TMEM68: variants seen among roughly 807,000 people sequenced by gnomAD.
The protein encoded by TMEM68 is DGAT1/2-independent enzyme synthesizing storage lipids.
Under a neutral mutation model 36.9 loss-of-function variants are expected in TMEM68, and 25 were observed. The observed-to-expected ratio is 0.68, with a 90% CI of 0.49 to 0.95. TMEM68 has a LOEUF of 0.95. Ranked by LOEUF, TMEM68 falls within the 40% of genes least tolerant of loss-of-function variation. TMEM68 has a pLI of 0.00. For synonymous variants in TMEM68, 131 were observed against 124.4 expected (o/e 1.05, Z -0.35); for missense variants, 333 against 392.0 (o/e 0.85, Z 1.27).
intron 4 of TMEM68, among the ~76,000 whole-genome samples, chr8:55,752,706 T>C (rs1810456550): frequency 6.8e-6 from 1 of 147,634 alleles, no homozygotes. Context: ...CATAATAGGA[T>C]AAAATATAGG....
rs766866812 is a variant in TMEM68, at chr8:55,740,098, T to C, written c.*34A>G. On this transcript the variant is annotated 3_prime_UTR_variant, in exon 8 of 8. Coordinates refer to ENST00000434581, the MANE Select transcript of TMEM68 (RefSeq NM_001286657.2). ...CTTAGATACAAACATTTAATATAAA[T>C]GTACTAAATCATCTTCTAGTTGACC... is the stretch of plus-strand genomic sequence containing the variant. 3.3e-6 allele frequency: 5 copies of C among 1,536,382 alleles called. No homozygotes were observed. The highest frequency in any genetic ancestry group is 4.5e-6 in the Non-Finnish European group (5 of 1,115,548).
intron 7 of TMEM68, among the ~76,000 whole-genome samples, chr8:55,741,786 C>T (rs1033571315): frequency 6.6e-6 from 1 of 152,134 alleles, no homozygotes; most frequent in Non-Finnish European, 1.5e-5. Flanking sequence ...TATTCAAAAG[C>T]TGGGTAAGGT....
At chr8:55,747,962 T>C (rs974895209) in intron 5 of TMEM68, 3 of 152,182 alleles carry the variant, frequency 2.0e-5, no homozygotes, top group Non-Finnish European at 4.4e-5. Context: ...ATTTAAAGAC[T>C]TTCCTGTTGA....
intron 1 of TMEM68, among the ~76,000 whole-genome samples, chr8:55,767,047 TGTAAAATAAAAATA>T: frequency 1.4e-5 from 2 of 145,998 alleles, no homozygotes; most frequent in Non-Finnish European, 3.0e-5. Context: ...TTTCTTCATT[TGTAAAATAAAAATA>T]GCATCTACCT....
Position 55,745,042 on chromosome 8 carries a change from C to A in TMEM68, c.748+19G>T. 1 of 1,444,126 alleles carries A rather than the reference C, an allele frequency of 6.9e-7. No homozygotes were observed. Among genetic ancestry groups the A allele is most frequent in the Non-Finnish European group, 9.1e-7 (1 of 1,095,478 alleles). The allele number at this position is 1,444,126 out of a possible 1,614,324, so 89.5% of individuals were successfully genotyped here. A position where few individuals can be genotyped will look rare whatever the true frequency, so the allele number is the denominator to read the frequency against. ...TAAAAATTACATTGTAATTTAAAAC[C>A]ATACAAATCAGAACTTACTTGTTCC... On this transcript the variant is annotated intron_variant, in intron 6 of 7. Transcript: ENST00000434581.
intron 7 of TMEM68, among the ~76,000 whole-genome samples, 181 bp downstream of exon 7, chr8:55,743,300 C>T (rs1371578426): frequency 6.6e-6 from 1 of 152,158 alleles, no homozygotes; most frequent in Non-Finnish European, 1.5e-5. Context: ...CCAACTCCTG[C>T]CTGTAGTGAC....
chr8:55,751,948 C>T (rs897412080), intron 4 of TMEM68, among the ~76,000 whole-genome samples: 23 of 152,176 alleles, frequency 1.5e-4, no homozygotes, highest in Admixed American at 9.8e-4. Context: ...GTGGCTCACG[C>T]CTGTAATACC....
chr8:55,743,279 C>G (rs1169980811), intron 7 of TMEM68, among the ~76,000 whole-genome samples: 1 of 152,122 alleles, frequency 6.6e-6, no homozygotes, highest in African/African-American at 2.4e-5. Context: ...TGTAGCACTC[C>G]CCTCACGGCC....
At position 55,763,002 on chromosome 8, in the gene TMEM68, TG is replaced by T; in HGVS notation, c.-44del. On this transcript the variant is annotated 5_prime_UTR_variant, in exon 3 of 8. The change creates a premature stop within an existing upstream ORF in the 5' untranslated region. Coordinates refer to ENST00000434581, the MANE Select transcript of TMEM68 (RefSeq NM_001286657.2). Reference sequence around the variant, plus strand: ...TGACAAATTCAGTTTCTTTCTTCATTGCCATAGCAGGTCGCTAATTTTGACA... The same window carrying T: ...TGACAAATTCAGTTTCTTTCTTCATTCCATAGCAGGTCGCTAATTTTGACA... 6.5e-7 allele frequency: 1 copy of T among 1,538,720 alleles called. No individual in the cohort carries two copies. Among genetic ancestry groups the T allele is most frequent in the Non-Finnish European group, 8.7e-7 (1 of 1,147,126 alleles).
chr8:55,743,457 A>G, intron 7 of TMEM68, 24 bp downstream of exon 7: 1 of 1,512,128 alleles, frequency 6.6e-7, no homozygotes, highest in Non-Finnish European at 8.8e-7. Context: ...CTGTCCTAAA[A>G]CTAAAAAAGA....
At chr8:55,760,135 C>G (rs1810737334) in intron 3 of TMEM68, among the ~76,000 whole-genome samples, 1 of 152,252 alleles carries the variant, frequency 6.6e-6, no homozygotes, top group Non-Finnish European at 1.5e-5. Flanking sequence ...CCAAGGCCAA[C>G]AAATTTACTT....
Position 55,745,920 on chromosome 8 carries a change from T to C in TMEM68, c.688-799A>G, listed in dbSNP as rs558596655. The C allele has an allele frequency of 5.9e-5, 9 of 152,246 alleles. No individual in the cohort carries two copies. In the East Asian group the frequency reaches 1.3e-3, roughly 23 times the overall value. 9.4% of individuals were successfully genotyped at this position (152,246 alleles called of 1,614,324 possible). Reference sequence around the variant, plus strand: ...GTTTTGGCAAGATGCTGTCGTGGAATTGGTAAAATTTTTTGTGAGTCTATT... The same window carrying C: ...GTTTTGGCAAGATGCTGTCGTGGAACTGGTAAAATTTTTTGTGAGTCTATT... On this transcript the variant is annotated intron_variant, in intron 5 of 7. Coordinates refer to ENST00000434581, the MANE Select transcript of TMEM68 (RefSeq NM_001286657.2).
intron 4 of TMEM68, 133 bp from the exon 5 acceptor site, chr8:55,751,290 C>G (rs1810421744): frequency 1.3e-6 from 1 of 782,382 alleles, no homozygotes; most frequent in African/African-American, 1.8e-5. Flanking sequence ...TTAAAATCAA[C>G]AAAAACTCTA....
chr8:55,750,882 TTA>T, intron 5 of TMEM68, 80 bp downstream of exon 5: 4 of 1,391,392 alleles, frequency 2.9e-6, no homozygotes, highest in Non-Finnish European at 3.9e-6. Flanking sequence ...GTCTAAGTTC[TTA>T]TACAATTTGG....
intron 4 of TMEM68, among the ~76,000 whole-genome samples, chr8:55,755,124 C>A (rs1456800765): frequency 6.7e-6 from 1 of 150,374 alleles, no homozygotes; most frequent in Non-Finnish European, 1.5e-5. Context: ...CATAGCAAGA[C>A]CCCATATCTA....
chr8:55,765,519 C>G (rs1158365212), intron 1 of TMEM68, among the ~76,000 whole-genome samples: 1 of 152,166 alleles, frequency 6.6e-6, no homozygotes, highest in Admixed American at 6.5e-5. Context: ...GTGTAAAGAG[C>G]CTAGAATACC....
In TMEM68 at chr8:55,756,374, A is replaced by G. The variant is rs1465978908; in HGVS notation, c.363T>C (p.Asp121=). 6.3e-7 allele frequency: 1 copy of G among 1,587,988 alleles called. No individual in the cohort carries two copies. Among genetic ancestry groups the G allele is most frequent in the South Asian group, 1.2e-5 (1 of 84,362 alleles). The change falls in exon 4 of 8, where the codon GAT becomes GAC. Residue 121 remains aspartate (D), a synonymous_variant. Transcript: ENST00000434581. ...EVHGMEKIPE[D]GPALIIFYHG... is the part of the protein sequence containing the mutation. ...GATAAAAAATTATAAGTGCTGGTCC[A>G]TCTTCTGGTATTTTTTCCATTCCAT...
In TMEM68 at chr8:55,745,130, AAGG is replaced by A; in HGVS notation, c.688-12_688-10del. On this transcript the variant is annotated splice_polypyrimidine_tract_variant and intron_variant, in intron 5 of 7. Transcript: ENST00000434581. ...AACATAGGAATAATGGGCTAAAGAAAAGGAGAATTTGAATTAAAAAGTAAATAA... is the reference window on the plus strand; with the variant it reads ...AACATAGGAATAATGGGCTAAAGAAAAGAATTTGAATTAAAAAGTAAATAA... 1.4e-6 allele frequency: 2 copies of A among 1,466,130 alleles called. No homozygotes were observed. The highest frequency in any genetic ancestry group is 1.8e-6 in the Non-Finnish European group (2 of 1,105,224). The allele number at this position is 1,466,130 out of a possible 1,614,324, so 90.8% of individuals were successfully genotyped here. A position where few individuals can be genotyped will look rare whatever the true frequency, so the allele number is the denominator to read the frequency against.
At chr8:55,770,392 A>G (rs1015406023) in intron 1 of TMEM68, among the ~76,000 whole-genome samples, 17 of 152,208 alleles carry the variant, frequency 1.1e-4, no homozygotes, top group Non-Finnish European at 2.9e-5. Flanking sequence ...AAGAAAAATG[A>G]CATGGGCCAG....
Sources: gnomAD v4.1 joint callset for allele counts (sites outside exome capture counted in the v4.1 genomes callset) on GRCh38, gnomAD v4.1.1 for gene constraint, MANE v1.5 for transcripts, NCBI Gene and HGNC (gene_info 2026-07-23, HGNC 2026-07-21) for gene names.